The following MAF variants were observed in gnomAD, a reference collection of about 807,000 sequenced individuals.
The protein encoded by MAF is transcription factor Maf.
Under a neutral mutation model 22.0 loss-of-function variants are expected in MAF, and 10 were observed. The observed-to-expected ratio is 0.45, with a 90% CI of 0.28 to 0.77. MAF has a LOEUF of 0.77. Ranked by LOEUF, MAF falls within the 30% of genes least tolerant of loss-of-function variation. MAF has a pLI of 0.12. For synonymous variants in MAF, 337 were observed against 255.8 expected, an observed-to-expected ratio of 1.32 and a Z score of -3.03; for missense variants, 544 against 548.4, an observed-to-expected ratio of 0.99 and a Z score of 0.08.
chr16:79,475,776 T>A, the MAF span, among the ~76,000 whole-genome samples: 2 of 152,190 alleles, frequency 1.3e-5, no homozygotes, highest in Admixed American at 6.5e-5. Flanking sequence ...AATGGCAGAA[T>A]GACAACCATT....
the MAF span, among the ~76,000 whole-genome samples, chr16:79,489,311 A>G: frequency 6.6e-6 from 1 of 152,142 alleles, no homozygotes; most frequent in East Asian, 1.9e-4. Context: ...TTATCCATCC[A>G]TTTATTCATT....
the MAF span, among the ~76,000 whole-genome samples, chr16:79,571,006 C>T: frequency 2.0e-5 from 3 of 151,910 alleles, no homozygotes; most frequent in East Asian, 3.9e-4. Flanking sequence ...GGAAACCAAG[C>T]GTCTATAGAG....
At chr16:79,348,898 G>T in the MAF span, among the ~76,000 whole-genome samples, 9 of 152,140 alleles carry the variant, frequency 5.9e-5, no homozygotes, top group Non-Finnish European at 1.0e-4. Flanking sequence ...TAAGCGTTCC[G>T]GTGACCCAGC....
At chr16:79,242,539 C>G in the MAF span, among the ~76,000 whole-genome samples, 1 of 151,882 alleles carries the variant, frequency 6.6e-6, no homozygotes, top group Non-Finnish European at 1.5e-5. Flanking sequence ...TACCGGAGCA[C>G]CCAGACTCAT....
At chr16:79,443,689 T>C in the MAF span, among the ~76,000 whole-genome samples, 1 of 152,218 alleles carries the variant, frequency 6.6e-6, no homozygotes, top group East Asian at 1.9e-4. Context: ...AGCTTTTACC[T>C]CCTGCAAGAC....
chr16:79,412,909 G>C, the MAF span, among the ~76,000 whole-genome samples: 1 of 152,336 alleles, frequency 6.6e-6, no homozygotes, highest in African/African-American at 2.4e-5. Flanking sequence ...CTTGGGCTTC[G>C]CCTTGCCCTG....
the MAF span, among the ~76,000 whole-genome samples, chr16:79,376,517 T>C: frequency 6.6e-6 from 1 of 152,152 alleles, no homozygotes; most frequent in African/African-American, 2.4e-5. Context: ...CATTATTTTA[T>C]TTTATTTTTT....
chr16:79,437,140 CTCTCTCTGTGTGTGTGTG>C, the MAF span, among the ~76,000 whole-genome samples: 1 of 25,980 alleles, frequency 3.8e-5, no homozygotes, highest in Non-Finnish European at 1.1e-4. Flanking sequence ...AAAGCTCTCT[CTCTCTCTGTGTGTGTGTG>C]TGTGTGTGTG....
the MAF span, among the ~76,000 whole-genome samples, chr16:79,544,322 A>G: frequency 6.6e-6 from 1 of 152,194 alleles, no homozygotes; most frequent in African/African-American, 2.4e-5. Context: ...GTCATCACAC[A>G]TGGCAGATGG....
chr16:79,278,983 C>A, the MAF span, among the ~76,000 whole-genome samples: 3 of 152,018 alleles, frequency 2.0e-5, no homozygotes, highest in African/African-American at 7.2e-5. Flanking sequence ...CTTGCTATAC[C>A]CCTCAAATAT....
At chr16:79,263,563 C>G in the MAF span, among the ~76,000 whole-genome samples, 33 of 152,312 alleles carry the variant, frequency 2.2e-4, no homozygotes, top group African/African-American at 6.5e-4. Context: ...TTGTGGGGCC[C>G]AGGATTCTCT....
the MAF span, among the ~76,000 whole-genome samples, chr16:79,430,167 T>G: frequency 6.6e-6 from 1 of 152,206 alleles, no homozygotes; most frequent in African/African-American, 2.4e-5. Flanking sequence ...CCTCACATTT[T>G]ATGACGGTAA....
At chr16:79,498,027 G>A in the MAF span, among the ~76,000 whole-genome samples, 1 of 152,218 alleles carries the variant, frequency 6.6e-6, no homozygotes, top group Non-Finnish European at 1.5e-5. Flanking sequence ...AGCTGAAGAA[G>A]GTAGGACTTT....
chr16:79,450,232 T>A, the MAF span, among the ~76,000 whole-genome samples: 1 of 152,236 alleles, frequency 6.6e-6, no homozygotes, highest in African/African-American at 2.4e-5. Context: ...TTACCTTTAG[T>A]ACAATTTATA....
At chr16:79,524,555 T>C in the MAF span, among the ~76,000 whole-genome samples, 1 of 152,240 alleles carries the variant, frequency 6.6e-6, no homozygotes, top group Non-Finnish European at 1.5e-5. Context: ...AAGAGTGTTT[T>C]ACCCTTCATA....
chr16:79,273,837 A>G, the MAF span, among the ~76,000 whole-genome samples: 2 of 152,104 alleles, frequency 1.3e-5, no homozygotes, highest in Non-Finnish European at 2.9e-5. Flanking sequence ...GTAATATAGC[A>G]TATTCACAGG....
the MAF span, among the ~76,000 whole-genome samples, chr16:79,481,438 G>C: frequency 6.6e-6 from 1 of 151,800 alleles, no homozygotes; most frequent in African/African-American, 2.4e-5. Flanking sequence ...CCAAACCCTA[G>C]GCCACTACTC....
At chr16:79,408,741 A>G in the MAF span, among the ~76,000 whole-genome samples, 2 of 151,786 alleles carry the variant, frequency 1.3e-5, no homozygotes, top group South Asian at 2.1e-4. Flanking sequence ...TCCCTCAAAT[A>G]ATGTATTAAA....
chr16:79,229,089 A>G, the MAF span, among the ~76,000 whole-genome samples: 6 of 151,816 alleles, frequency 4.0e-5, 1 homozygote, highest in Non-Finnish European at 8.8e-5. Flanking sequence ...GAGCTGTGTG[A>G]TCCTGGCAAA....
Sources: gnomAD v4.1 joint callset for allele counts (sites outside exome capture counted in the v4.1 genomes callset) on GRCh38, gnomAD v4.1.1 for gene constraint, MANE v1.5 for transcripts, NCBI Gene and HGNC (gene_info 2026-07-23, HGNC 2026-07-21) for gene names.